Variants in EYS observed in about 807,000 individuals in gnomAD.
EYS encodes EGF-like photoreceptor maintenance factor, also known as protein eyes shut homolog.
In EYS, 250 loss-of-function variants were observed where a neutral mutation model predicts 282.1. The ratio of observed to expected loss-of-function variants is 0.89; its 90% confidence interval spans 0.80 to 0.98. The LOEUF (loss-of-function observed/expected upper bound fraction) is 0.98, where lower values mean the gene tolerates loss of function less well. Ranked by LOEUF, EYS falls within the 50% of genes least tolerant of loss-of-function variation. The pLI is 0.00. For synonymous variants in EYS, 1,355 were observed against 1,282.9 expected, an observed-to-expected ratio of 1.06 and a Z score of -1.20; for missense variants, 4,016 against 3,709.0, an observed-to-expected ratio of 1.08 and a Z score of -2.15.
chr6:64,007,688 C>A lies in EYS; in HGVS notation c.6726-8505G>T, dbSNP rs112707290. On this transcript the variant is annotated intron_variant, in intron 33 of 42. Transcript: ENST00000503581. ...CCCCAGGAATTCTTGTATGTTGTAT[C>A]TTTATTCATATTATTTTCAAAGAAT... Among the ~76,000 whole-genome samples the A allele has an allele frequency of 2.4e-3, 363 of 152,174 alleles. 1 individual carries two copies. The highest frequency in any genetic ancestry group is 3.9e-3 in the African/African-American group (162 of 41,522).
At chr6:64,932,743 T>C (rs1768767593) in intron 15 of EYS, among the ~76,000 whole-genome samples, 1 of 151,984 alleles carries the variant, frequency 6.6e-6, no homozygotes, top group Non-Finnish European at 1.5e-5. Flanking sequence ...CAGAGTCCTT[T>C]AGTAAAGGCT....
rs116756562 is a variant in EYS, at chr6:63,857,946, A to G, written c.7228+6240T>C. On this transcript the variant is annotated intron_variant, in intron 36 of 42. Coordinates refer to ENST00000503581, the MANE Select transcript of EYS (RefSeq NM_001142800.2). The stretch of plus-strand genomic sequence containing the variant: ...TGTTTTCTGCAGAACACCATTGGCT[A>G]GATATGTGATAGCATTAAATGTTCA... 1.8e-3 allele frequency among the ~76,000 whole-genome samples: 268 copies of G among 152,238 alleles called. 2 individuals carry two copies. The highest frequency in any genetic ancestry group is 6.2e-3 in the African/African-American group (257 of 41,548).
intron 30 of EYS, among the ~76,000 whole-genome samples, chr6:64,264,661 G>C (rs971775961): frequency 6.6e-6 from 1 of 152,134 alleles, no homozygotes; most frequent in Non-Finnish European, 1.5e-5. Context: ...TGTAATCCCA[G>C]CACTTTGGGA....
At chr6:64,487,696 TAGTG>T (rs1167283667) in intron 26 of EYS, among the ~76,000 whole-genome samples, 1 of 151,002 alleles carries the variant, frequency 6.6e-6, no homozygotes, top group Non-Finnish European at 1.5e-5. Context: ...GTGTACTTTC[TAGTG>T]AGTATTTACA....
At chr6:64,018,684 C>A (rs543603573) in intron 33 of EYS, among the ~76,000 whole-genome samples, 6 of 143,616 alleles carry the variant, frequency 4.2e-5, no homozygotes, top group Non-Finnish European at 6.0e-5. Context: ...TTTGCAAATG[C>A]GATTAAGTTA....
At chr6:64,342,418 C>A (rs1358504718) in intron 29 of EYS, among the ~76,000 whole-genome samples, 1 of 151,952 alleles carries the variant, frequency 6.6e-6, no homozygotes, top group Non-Finnish European at 1.5e-5. Flanking sequence ...ACTCAACATT[C>A]TTAAAGAAAA....
Position 64,297,668 on chromosome 6 carries a change from C to G in EYS, c.6191+9302G>C, listed in dbSNP as rs181801513. 2.0e-5 allele frequency among the ~76,000 whole-genome samples: 3 copies of G among 152,184 alleles called. No homozygotes were observed. The South Asian group carries it at 6.2e-4, about 32-fold the overall frequency. ...TGTAAACCAATAATTCTATATTTGACAAAACAGTCCTTTCAGAAGTTAGAT... is the reference window on the plus strand; with the variant it reads ...TGTAAACCAATAATTCTATATTTGAGAAAACAGTCCTTTCAGAAGTTAGAT... On this transcript the variant is annotated intron_variant, in intron 30 of 42. Transcript: ENST00000503581.
chr6:63,835,055 G>A (rs1413108270), intron 36 of EYS, among the ~76,000 whole-genome samples: 1 of 95,894 alleles, frequency 1.0e-5, no homozygotes, highest in East Asian at 3.9e-4. Context: ...CCTATTGTAG[G>A]GTGGGGGGAG....
intron 30 of EYS, among the ~76,000 whole-genome samples, chr6:64,272,722 T>C (rs1228438301): frequency 6.6e-6 from 1 of 152,122 alleles, no homozygotes; most frequent in Non-Finnish European, 1.5e-5. Flanking sequence ...TGTATTAATA[T>C]TATGTACAAG....
intron 14 of EYS, among the ~76,000 whole-genome samples, chr6:64,978,933 A>G (rs1288767216): frequency 6.6e-6 from 1 of 151,908 alleles, no homozygotes; most frequent in Non-Finnish European, 1.5e-5. Flanking sequence ...TGAGCAAAGA[A>G]AGCGGTTTCT....
chr6:64,435,439 T>C (rs1374544847), intron 28 of EYS, among the ~76,000 whole-genome samples: 2 of 68,150 alleles, frequency 2.9e-5, no homozygotes, highest in East Asian at 2.2e-3. Flanking sequence ...TTCTTCTTCC[T>C]TTTTTTTTTT....
intron 22 of EYS, among the ~76,000 whole-genome samples, chr6:64,752,834 T>C (rs1254156812): frequency 6.6e-6 from 1 of 152,052 alleles, no homozygotes; most frequent in Non-Finnish European, 1.5e-5. Flanking sequence ...AATACAGAGA[T>C]CATCAAAGAC....
At chr6:65,015,211 A>G (rs1307841304) in intron 13 of EYS, among the ~76,000 whole-genome samples, 1 of 152,240 alleles carries the variant, frequency 6.6e-6, no homozygotes, top group Non-Finnish European at 1.5e-5. Context: ...GAAACTAATA[A>G]AGAGAGCAAA....
intron 1 of EYS, among the ~76,000 whole-genome samples, chr6:65,687,786 T>C (rs1769084857): frequency 1.3e-5 from 2 of 151,992 alleles, no homozygotes; most frequent in Non-Finnish European, 2.9e-5. Context: ...TATACACCAA[T>C]AACAGACAAA....
At chr6:64,122,554 T>C (rs1377382117) in intron 31 of EYS, among the ~76,000 whole-genome samples, 1 of 152,148 alleles carries the variant, frequency 6.6e-6, no homozygotes, top group Non-Finnish European at 1.5e-5. Flanking sequence ...TTTTATCCCC[T>C]TGTCTCCATT....
intron 36 of EYS, among the ~76,000 whole-genome samples, chr6:63,859,323 T>C (rs531168044): frequency 1.1e-4 from 16 of 152,078 alleles, no homozygotes; most frequent in Admixed American, 8.5e-4. Context: ...GAAATTGAAG[T>C]ACAGAGAGAC....
chr6:64,315,529 G>T (rs1410824704), intron 29 of EYS, among the ~76,000 whole-genome samples: 2 of 150,810 alleles, frequency 1.3e-5, no homozygotes, highest in Admixed American at 6.6e-5. Context: ...TAAAATGCTG[G>T]CAAACCGAAT....
chr6:64,374,300 C>A (rs1772494075), intron 29 of EYS, among the ~76,000 whole-genome samples: 1 of 152,028 alleles, frequency 6.6e-6, no homozygotes, highest in Non-Finnish European at 1.5e-5. Flanking sequence ...GGGTCTATGG[C>A]ACCAGTGCTG....
intron 26 of EYS, among the ~76,000 whole-genome samples, chr6:64,550,250 C>T (rs1765030042): frequency 6.6e-6 from 1 of 151,980 alleles, no homozygotes; most frequent in Admixed American, 6.6e-5. Context: ...GGGTATATAC[C>T]CAGTAATGGG....
Sources: allele counts gnomAD v4.1 joint callset (sites outside exome capture counted in the v4.1 genomes callset), GRCh38; gene constraint gnomAD v4.1.1; transcripts MANE v1.5; gene names NCBI Gene and HGNC (gene_info 2026-07-23, HGNC 2026-07-21).